KCP: variants seen among roughly 807,000 people sequenced by gnomAD.
KCP encodes kielin cysteine rich BMP regulator, also known as kielin/chordin-like protein.
In KCP, 194 loss-of-function variants were observed where a neutral mutation model predicts 212.7. The ratio of observed to expected loss-of-function variants is 0.91; its 90% CI spans 0.81 to 1.03. The LOEUF (loss-of-function observed/expected upper bound fraction) is 1.03. KCP is among the 50% of genes least tolerant of loss of function. The pLI is 0.00. For synonymous variants in KCP, 833 were observed against 865.3 expected (o/e 0.96, Z 0.65); for missense variants, 2,080 against 2,162.5 (o/e 0.96, Z 0.76).
chr7:128,886,983 C>T lies in KCP; in HGVS notation c.2599-17G>A, dbSNP rs1470687540. 2.2e-6 allele frequency: 3 copies of T among 1,350,696 alleles called. No individual in the cohort carries two copies. The African/African-American group carries it at 4.4e-5, about 20-fold the overall frequency. 83.7% of individuals were successfully genotyped at this position (1,350,696 alleles called of 1,614,324 possible). ...GGAACCTTCCTGGGGGAGAGAGGCC[C>T]ATCACACCCTCAACTGGACTGCACA... On this transcript the variant is annotated splice_polypyrimidine_tract_variant and intron_variant, in intron 23 of 39. Transcript: ENST00000610776.
Position 128,907,263 on chromosome 7 carries a change from C to T in KCP, c.409+1G>A. The stretch of plus-strand genomic sequence containing the variant: ...CAGTGGGCGGATAGGGTGGCACTTA[C>T]CCCTGCAATGGGGCAGGTGTGCTTG... On this transcript the variant is annotated splice_donor_variant, in intron 3 of 39. Coordinates refer to ENST00000610776, the MANE Select transcript of KCP (RefSeq NM_001366122.1). LOFTEE classifies it high-confidence loss of function. 1 of 1,533,440 alleles carries T rather than the reference C, an allele frequency of 6.5e-7. No individual in the cohort carries two copies. Among genetic ancestry groups the T allele is most frequent in the Non-Finnish European group, 8.8e-7 (1 of 1,132,700 alleles). The allele number at this position is 1,533,440 out of a possible 1,614,324, so 95.0% of individuals were successfully genotyped here.
At chr7:128,896,903 A>AT in intron 8 of KCP, among the ~76,000 whole-genome samples, 1 of 151,540 alleles carries the variant, frequency 6.6e-6, no homozygotes, top group South Asian at 2.1e-4. Context: ...AAAAAAAAAA[A>AT]AAAAAAAAAA....
chr7:128,887,201 A>G lies in KCP; in HGVS notation c.2598+14T>C, dbSNP rs1277019952. ...GGAGGAAAGGTTACCAAGGTCCTAA[A>G]GGGGCTGCCTCACCTGGCAGGTGCA... On this transcript the variant is annotated intron_variant, in intron 23 of 39. Transcript: ENST00000610776. 5 of 1,550,870 alleles carry G rather than the reference A, an allele frequency of 3.2e-6. No individual in the cohort carries two copies. Among genetic ancestry groups the G allele is most frequent in the Non-Finnish European group, 1.7e-6 (2 of 1,146,302 alleles).
At chr7:128,889,112 A>G in intron 21 of KCP, 73 bp from the exon 22 acceptor site, 1 of 1,185,732 alleles carries the variant, frequency 8.4e-7, no homozygotes, top group East Asian at 3.1e-5. Context: ...ATAGGCTCTG[A>G]GCTTGGGCCT....
intron 5 of KCP, among the ~76,000 whole-genome samples, chr7:128,905,346 C>T (rs1408722696): frequency 3.3e-5 from 5 of 152,290 alleles, no homozygotes; most frequent in East Asian, 3.9e-4. Flanking sequence ...CTTTCATTTG[C>T]TAAATCTGGC....
chr7:128,894,089 G>A, intron 9 of KCP, 34 bp from the exon 10 acceptor site: 1 of 1,539,122 alleles, frequency 6.5e-7, no homozygotes, highest in Non-Finnish European at 8.8e-7. Context: ...TGTTCCTCAG[G>A]GGCCCCTCCC....
In KCP at chr7:128,892,707, C is replaced by T; in HGVS notation, c.1508G>A (p.Cys503Tyr). 7.7e-6 allele frequency: 12 copies of T among 1,551,634 alleles called. No individual in the cohort carries two copies. Among genetic ancestry groups the T allele is most frequent in the Non-Finnish European group, 9.6e-6 (11 of 1,146,954 alleles). ...GQNFTDADSP[C>Y]HACHCQDGTV... is the part of the protein sequence containing the mutation. Reference sequence around the variant, plus strand: ...AGTTACCTGACAGTGGCAGGCATGGCAAGGGCTGTCTGCATCCGTGAAGTT... The same window carrying T: ...AGTTACCTGACAGTGGCAGGCATGGTAAGGGCTGTCTGCATCCGTGAAGTT... The change falls in exon 15 of 40, where the codon TGC becomes TAC. Residue 503 changes from cysteine to tyrosine, a missense_variant. Transcript: ENST00000610776.
At position 128,893,614 on chromosome 7, in the gene KCP, TGCCC is replaced by T. The variant is rs1794324053; in HGVS notation, c.1100-142_1100-139del. On this transcript the variant is annotated intron_variant, in intron 11 of 39. Transcript: ENST00000610776. ...CCAGGGCGCCCTGCCAGCAGCCCCC[TGCCC>T]CCCACAGCTATGCCACAGAAGCGCA... 9 of 952,592 alleles carry T rather than the reference TGCCC, an allele frequency of 9.4e-6. No individual in the cohort carries two copies. In the Admixed American group the frequency reaches 1.1e-4, roughly 12 times the overall value. The allele number at this position is 952,592 out of a possible 1,614,324, so 59.0% of individuals were successfully genotyped here. A position where few individuals can be genotyped will look rare whatever the true frequency, so the allele number is the denominator to read the frequency against.
At chr7:128,893,203 C>A in intron 13 of KCP, 35 bp downstream of exon 13, 1 of 1,539,206 alleles carries the variant, frequency 6.5e-7, no homozygotes. Flanking sequence ...AGAGGCAGCG[C>A]CCATAGCAGC....
intron 22 of KCP, among the ~76,000 whole-genome samples, chr7:128,888,441 C>T (rs1793864065): frequency 6.6e-6 from 1 of 151,210 alleles, no homozygotes; most frequent in Non-Finnish European, 1.5e-5. Flanking sequence ...CACACATATA[C>T]ACACGGCCAC....
At chr7:128,906,547 C>G (rs533369891) in intron 4 of KCP, among the ~76,000 whole-genome samples, 184 bp from the exon 5 acceptor site, 2 of 152,326 alleles carry the variant, frequency 1.3e-5, no homozygotes, top group South Asian at 4.1e-4. Flanking sequence ...CTCCCATCGT[C>G]TCCTGATGCT....
chr7:128,890,262 T>C, intron 21 of KCP, 81 bp downstream of exon 21: 1 of 1,551,026 alleles, frequency 6.4e-7, no homozygotes, highest in Non-Finnish European at 8.7e-7. Context: ...AGATCCACCC[T>C]AGGGCAGTAA....
intron 31 of KCP, among the ~76,000 whole-genome samples, chr7:128,881,395 T>A (rs1175547182): frequency 6.6e-6 from 1 of 152,184 alleles, no homozygotes; most frequent in Non-Finnish European, 1.5e-5. Context: ...CTGACAGGCA[T>A]CAGGCCAGAC....
intron 21 of KCP, among the ~76,000 whole-genome samples, chr7:128,889,518 T>C (rs985096638): frequency 3.3e-5 from 5 of 152,192 alleles, no homozygotes; most frequent in Non-Finnish European, 5.9e-5. Context: ...CTCACCTCCC[T>C]TTTTAAAAAA....
intron 21 of KCP, chr7:128,890,049 A>G (rs1793991321): frequency 1.2e-5 from 5 of 413,770 alleles, no homozygotes; most frequent in Non-Finnish European, 2.3e-5. Context: ...CAGCCTCCGG[A>G]GTAGATGGAA....
In KCP at chr7:128,886,487, C is replaced by T; in HGVS notation, c.2843G>A (p.Gly948Glu). 2 of 1,550,128 alleles carry T rather than the reference C, an allele frequency of 1.3e-6. No homozygotes were observed. The highest frequency in any genetic ancestry group is 1.7e-4 in the Middle Eastern group (1 of 5,744). ...LPCKLQVTER[G>E]SCCPRCRGCL... Reference sequence around the variant, plus strand: ...ACCTCTGCAGCGAGGGCAGCAGCTCCCCCGCTCGGTGACCTGGAGCTTGCA... The same window carrying T: ...ACCTCTGCAGCGAGGGCAGCAGCTCTCCCGCTCGGTGACCTGGAGCTTGCA... Residue 948 changes from glycine to glutamate, a missense_variant, in exon 26 of 40, where the codon GGG becomes GAG. Physicochemically the swap from Gly to Glu is moderately conservative, Grantham distance 98. Transcript: ENST00000610776.
chr7:128,908,703 C>T, intron 1 of KCP, 135 bp from the exon 2 acceptor site: 1 of 957,046 alleles, frequency 1.0e-6, no homozygotes, highest in Non-Finnish European at 1.5e-6. Context: ...GCCCACCCAC[C>T]ATCCAGGGCC....
In KCP at chr7:128,883,059, C is replaced by T. The variant is rs537117700; in HGVS notation, c.3244+943G>A. Among the ~76,000 whole-genome samples the T allele has an allele frequency of 1.8e-4, 27 of 151,464 alleles. 1 individual carries two copies. Among genetic ancestry groups the T allele is most frequent in the Middle Eastern group, 3.5e-3 (1 of 288 alleles). On this transcript the variant is annotated intron_variant, in intron 29 of 39. Transcript: ENST00000610776. The stretch of plus-strand genomic sequence containing the variant: ...CAGCCTGTGCGACAAAGCGAGACTC[C>T]GTCTCAAAAAAACCAAAACCCAAAT...
At chr7:128,898,884 T>G (rs1419584757) in intron 8 of KCP, among the ~76,000 whole-genome samples, 1 of 152,260 alleles carries the variant, frequency 6.6e-6, no homozygotes, top group Non-Finnish European at 1.5e-5. Context: ...CAGGTTTTTC[T>G]TAAAGCAAAA....
Sources: gnomAD v4.1 joint callset for allele counts (sites outside exome capture counted in the v4.1 genomes callset) on GRCh38, gnomAD v4.1.1 for gene constraint, MANE v1.5 for transcripts, NCBI Gene and HGNC (gene_info 2026-07-23, HGNC 2026-07-21) for gene names.